Variants in CELSR1 observed in about 807,000 individuals in gnomAD.
CELSR1 encodes the protein adhesion G protein-coupled receptor C1.
A neutral mutation model predicts 249.1 loss-of-function variants in CELSR1; 110 were observed. That is an observed-to-expected ratio of 0.44 (90% CI 0.38 to 0.52). The LOEUF (loss-of-function observed/expected upper bound fraction) is 0.52. Ranked by LOEUF, CELSR1 falls within the 20% of genes least tolerant of loss-of-function variation. CELSR1 has a pLI of 0.00. For synonymous variants in CELSR1, 2,113 were observed against 1,900.0 expected (o/e 1.11, Z -2.92); for missense variants, 4,109 against 4,296.4 (o/e 0.96, Z 1.22).
At chr22:46,485,382 T>A (rs1168760946) in intron 1 of CELSR1, among the ~76,000 whole-genome samples, 1 of 151,906 alleles carries the variant, frequency 6.6e-6, no homozygotes, top group Non-Finnish European at 1.5e-5. Flanking sequence ...CCCAACTCCC[T>A]CTCCCTGAGG....
At chr22:46,463,520 G>GT (rs2080056541) in intron 2 of CELSR1, among the ~76,000 whole-genome samples, 187 bp downstream of exon 2, 1 of 90,846 alleles carries the variant, frequency 1.1e-5, no homozygotes, top group African/African-American at 4.8e-5. Context: ...TCTCAAAAAA[G>GT]TTAAAAAAAA....
Position 46,391,247 on chromosome 22 carries a change from G to A in CELSR1, c.6189C>T (p.Ile2063=), listed in dbSNP as rs570551893. 4.3e-6 allele frequency: 7 copies of A among 1,613,646 alleles called. No individual in the cohort carries two copies. In the African/African-American group the frequency reaches 8.0e-5, roughly 18 times the overall value. Residue 2063 remains isoleucine, a synonymous_variant, in exon 16 of 35, where the codon ATC becomes ATT. Transcript: ENST00000674500. The surrounding 1 kb of genome is among the most constrained non-coding windows in gnomAD (Gnocchi z 4.3). The stretch of plus-strand genomic sequence containing the variant: ...GCCCGAACTTGGTCTGTGGCCACCA[G>A]ATGCCGGCCTCAAATGCTTTGGGAC... The part of the protein sequence containing the change: ...NGCPKAFEAG[I]WWPQTKFGQP...
At chr22:46,439,139 G>C in intron 3 of CELSR1, 50 bp downstream of exon 3, 1 of 1,524,928 alleles carries the variant, frequency 6.6e-7, no homozygotes. Flanking sequence ...GGAGAAGCTC[G>C]CCCCTTTCCT....
chr22:46,534,236 G>A lies in CELSR1; in HGVS notation c.2935C>T (p.Leu979Phe). The A allele has an allele frequency of 6.2e-7, 1 of 1,613,730 alleles. No homozygotes were observed. The highest frequency in any genetic ancestry group is 1.6e-4 in the Middle Eastern group (1 of 6,062). The change falls in exon 1 of 35, where the codon CTT (leucine) becomes TTT (phenylalanine). Residue 979 changes from leucine to phenylalanine, a missense_variant. This residue lies in a region of CELSR1 where 886 missense variants were observed against 896.5 expected (regional missense o/e 0.99). Transcript: ENST00000674500. The surrounding 1 kb of genome is among the most constrained non-coding windows in gnomAD (Gnocchi z 9.7). ...ACCTGGATTTCTACCGAGGCGCTAA[G>A]GGGAGTGGGACTGCCCCGATCCACA... Reference protein sequence around the residue: ...LAVDRGSPTPLSASVEIQVTI... With the variant: ...LAVDRGSPTPFSASVEIQVTI...
In CELSR1 at chr22:46,364,037, A is replaced by C. The variant is rs28372531; in HGVS notation, c.8994T>G (p.Asn2998Lys). ...GRDHLNGVAMNVRTGSAQADG... is the reference protein window; with the variant it reads ...GRDHLNGVAMKVRTGSAQADG... ...CGGCCTGGGCGCTCCCAGTGCGCAC[A>C]TTCATGGCCACCCCGTTGAGGTGGT... The change falls in exon 34 of 35, where the codon AAT becomes AAG. Residue 2998 changes from asparagine (N) to lysine (K), a missense_variant. Transcript: ENST00000674500. The C allele has an allele frequency of 6.2e-7, 1 of 1,611,192 alleles. No individual in the cohort carries two copies. Among genetic ancestry groups the C allele is most frequent in the African/African-American group, 1.3e-5 (1 of 74,808 alleles).
chr22:46,536,820 A>AC lies in CELSR1; in HGVS notation c.350dup (p.Ala118CysfsTer139), dbSNP rs2080863157. The AC allele has an allele frequency of 8.3e-7, 1 of 1,207,034 alleles. No individual in the cohort carries two copies. The highest frequency in any genetic ancestry group is 1.6e-5 in the African/African-American group (1 of 61,942). The allele number at this position is 1,207,034 out of a possible 1,614,324, so 74.8% of individuals were successfully genotyped here. ...GGGCACCGGTTCCGCAGAGCCGGGCACGGGCTCCGCAGCCGGGAAGGTGCG... is the reference window on the plus strand; with the variant it reads ...GGGCACCGGTTCCGCAGAGCCGGGCACCGGGCTCCGCAGCCGGGAAGGTGCG... On this transcript the variant is annotated frameshift_variant, in exon 1 of 35. Transcript: ENST00000674500. LOFTEE classifies it high-confidence loss of function.
chr22:46,379,343 T>C (rs1219263969), intron 22 of CELSR1, among the ~76,000 whole-genome samples: 2 of 152,010 alleles, frequency 1.3e-5, no homozygotes, highest in African/African-American at 2.4e-5. Context: ...TCGCAGACTC[T>C]GGGAAAAATC....
At position 46,534,602 on chromosome 22, in the gene CELSR1, C is replaced by T. The variant is rs370296415; in HGVS notation, c.2569G>A (p.Ala857Thr). 10 of 1,613,800 alleles carry T rather than the reference C, an allele frequency of 6.2e-6. No individual in the cohort carries two copies. The highest frequency in any genetic ancestry group is 2.2e-5 in the East Asian group (1 of 44,880). The change falls in exon 1 of 35, where the codon GCC becomes ACC. Residue 857 changes from alanine to threonine, a missense_variant. Ala to Thr is a moderately conservative substitution (Grantham distance 58, BLOSUM62 0). Transcript: ENST00000674500. This position sits in a 1 kb window ranked among gnomAD's most constrained non-coding sequence, Gnocchi z 9.7. ...MMELDYENQVAYTLTIMAQDN... is the reference protein window; with the variant it reads ...MMELDYENQVTYTLTIMAQDN... ...TGGGCCATGATGGTCAGCGTGTAGG[C>T]GACCTGGTTCTCATAGTCCAGCTCC...
chr22:46,404,753 T>A (rs554757591), intron 9 of CELSR1, among the ~76,000 whole-genome samples: 11 of 152,056 alleles, frequency 7.2e-5, no homozygotes, highest in Admixed American at 6.5e-4. Context: ...CCTTCCAAAG[T>A]GGTAGGATTA....
At chr22:46,456,022 A>G (rs2079945148) in intron 2 of CELSR1, among the ~76,000 whole-genome samples, 1 of 152,262 alleles carries the variant, frequency 6.6e-6, no homozygotes, top group African/African-American at 2.4e-5. Context: ...ATCCTGAATT[A>G]TCTGAAAAGC....
In CELSR1 at chr22:46,364,516, C is replaced by T; in HGVS notation, c.8775G>A (p.Arg2925=). Residue 2925 remains arginine (R), a synonymous_variant, in exon 33 of 35, where the codon AGG becomes AGA. Transcript: ENST00000674500. ...AGCCCCGGCCTCCCCAGGCACCTTT[C>T]CTCTGCTCTGGGGGCTGGCTGCTAG... is the stretch of plus-strand genomic sequence containing the variant. ...RLASSQPPEQ[R]KGILKNKVTY... 2.5e-6 allele frequency: 4 copies of T among 1,609,598 alleles called. No homozygotes were observed. Among genetic ancestry groups the T allele is most frequent in the South Asian group, 1.1e-5 (1 of 90,876 alleles).
intron 2 of CELSR1, among the ~76,000 whole-genome samples, chr22:46,453,880 G>C (rs2079915070): frequency 6.6e-6 from 1 of 152,180 alleles, no homozygotes; most frequent in Non-Finnish European, 1.5e-5. Context: ...GGTCGAGATT[G>C]TTTAATTAGG....
intron 12 of CELSR1, among the ~76,000 whole-genome samples, chr22:46,397,009 G>A (rs534898917): frequency 0.033 from 4,948 of 152,216 alleles, 266 homozygotes; most frequent in African/African-American, 0.11. Context: ...AGGACACATG[G>A]GGAATGGCCA....
chr22:46,529,020 C>T (rs146531590), intron 1 of CELSR1, among the ~76,000 whole-genome samples: 1 of 151,854 alleles, frequency 6.6e-6, no homozygotes, highest in African/African-American at 2.4e-5. Flanking sequence ...AATCCCACCA[C>T]TTTGGGAGGC....
At chr22:46,452,361 G>C (rs1452613289) in intron 2 of CELSR1, among the ~76,000 whole-genome samples, 3 of 152,220 alleles carry the variant, frequency 2.0e-5, no homozygotes, top group African/African-American at 7.2e-5. Context: ...TGAGGACCCA[G>C]TGTGCCAAAC....
At chr22:46,403,492 G>A (rs1361073144) in intron 9 of CELSR1, among the ~76,000 whole-genome samples, 2 of 152,038 alleles carry the variant, frequency 1.3e-5, no homozygotes, top group African/African-American at 4.8e-5. Flanking sequence ...AGGAGGTGGA[G>A]CTTGCAGTGA....
intron 1 of CELSR1, among the ~76,000 whole-genome samples, chr22:46,487,931 G>T (rs1421213774): frequency 2.9e-5 from 4 of 136,450 alleles, no homozygotes; most frequent in African/African-American, 8.4e-5. Flanking sequence ...TGAGGGTGTG[G>T]GGGAGGGGTG....
At chr22:46,458,122 A>G (rs2079978535) in intron 2 of CELSR1, among the ~76,000 whole-genome samples, 1 of 152,078 alleles carries the variant, frequency 6.6e-6, no homozygotes, top group African/African-American at 2.4e-5. Flanking sequence ...AGGAGTGGGG[A>G]CAGGGAGGGA....
intron 1 of CELSR1, among the ~76,000 whole-genome samples, chr22:46,519,418 TGAAGA>T (rs776348100): frequency 3.9e-5 from 6 of 152,142 alleles, no homozygotes; most frequent in Non-Finnish European, 5.9e-5. Context: ...GGCTTGGTCA[TGAAGA>T]GAGGGTGCTG....
Sources: gnomAD v4.1 joint callset for allele counts (sites outside exome capture counted in the v4.1 genomes callset) on GRCh38, gnomAD v4.1.1 for gene constraint, gnomAD v4.1.1 regional missense constraint, Gnocchi (gnomAD v3.1) non-coding constraint, MANE v1.5 for transcripts, NCBI Gene and HGNC (gene_info 2026-07-23, HGNC 2026-07-21) for gene names.